Variants in CALCR observed in about 807,000 individuals in gnomAD.
CALCR encodes calcitonin receptor.
CALCR carries 47 observed loss-of-function variants against 59.5 expected under a neutral mutation model. The ratio of observed to expected loss-of-function variants is 0.79; its 90% CI spans 0.63 to 1.01. CALCR has a LOEUF of 1.01. Among genes scored for constraint, CALCR ranks in the 50% least tolerant of loss-of-function variants. The pLI is 0.00. For missense variants in CALCR, 566 were observed against 597.1 expected (o/e 0.95, Z 0.54); for synonymous variants, 213 against 211.3 (o/e 1.01, Z -0.07).
At chr7:93,519,575 T>C (rs1801716532) in intron 2 of CALCR, among the ~76,000 whole-genome samples, 1 of 152,130 alleles carries the variant, frequency 6.6e-6, no homozygotes, top group Non-Finnish European at 1.5e-5. Context: ...ATTTTCATTA[T>C]CTATATTATT....
intron 13 of CALCR, 100 bp from the exon 14 acceptor site, chr7:93,426,689 G>C: frequency 1.5e-6 from 1 of 655,498 alleles, no homozygotes; most frequent in East Asian, 2.7e-5. Flanking sequence ...TTTAAAGAAA[G>C]TTAAATTGTA....
intron 9 of CALCR, among the ~76,000 whole-genome samples, chr7:93,442,456 C>A (rs1347708919): frequency 6.6e-6 from 1 of 152,130 alleles, no homozygotes; most frequent in Non-Finnish European, 1.5e-5. Context: ...GGCATAACAC[C>A]AGCCCCTTTC....
Position 93,426,441 on chromosome 7 carries a change from A to ATGGCAGATGTAAATTGGGATGTCGCCAG in CALCR, c.1339_1340insCTGGCGACATCCCAATTTACATCTGCCA (p.Leu447ProfsTer13). The ATGGCAGATGTAAATTGGGATGTCGCCAG allele has an allele frequency of 6.2e-7, 1 of 1,613,378 alleles. No homozygotes were observed. On this transcript the variant is annotated frameshift_variant, in exon 14 of 14. Transcript: ENST00000426151. LOFTEE classifies it high-confidence loss of function. Reference sequence around the variant, plus strand: ...TTGGTTGTTGGCTGGTTCATTCCTCAGCTCCTGATGGCAGATGTAAATTGG... The same window carrying ATGGCAGATGTAAATTGGGATGTCGCCAG: ...TTGGTTGTTGGCTGGTTCATTCCTCATGGCAGATGTAAATTGGGATGTCGCCAGGCTCCTGATGGCAGATGTAAATTGG...
chr7:93,460,562 A>ATAT (rs1305307735), intron 8 of CALCR, among the ~76,000 whole-genome samples: 2 of 85,818 alleles, frequency 2.3e-5, no homozygotes, highest in African/African-American at 1.8e-4. Context: ...TCTAAAAAAA[A>ATAT]AAAAAAAAAA....
intron 2 of CALCR, among the ~76,000 whole-genome samples, chr7:93,540,180 A>G (rs571408965): frequency 1.3e-5 from 2 of 152,344 alleles, no homozygotes; most frequent in African/African-American, 2.4e-5. Context: ...CTTGAAAAGC[A>G]GGTAATTCAA....
At chr7:93,510,698 T>C (rs1393721693) in intron 2 of CALCR, among the ~76,000 whole-genome samples, 1 of 151,970 alleles carries the variant, frequency 6.6e-6, no homozygotes, top group South Asian at 2.1e-4. Context: ...AGAGACACTG[T>C]CTCTACAAAA....
chr7:93,563,825 T>C (rs1789799759), intron 2 of CALCR, among the ~76,000 whole-genome samples: 1 of 152,204 alleles, frequency 6.6e-6, no homozygotes, highest in Admixed American at 6.5e-5. Flanking sequence ...CATTTCCGAA[T>C]CCATCATATT....
chr7:93,571,563 A>G (rs1014007018), intron 2 of CALCR, among the ~76,000 whole-genome samples: 1 of 152,096 alleles, frequency 6.6e-6, no homozygotes, highest in Non-Finnish European at 1.5e-5. Flanking sequence ...TCAGAAGTCA[A>G]ACTCAAGCAG....
In CALCR at chr7:93,459,939, G is replaced by C. The variant is rs2115800522; in HGVS notation, c.648+882C>G. ...ATTGTGCATGTGGGCATGAGTTTCA[G>C]AGATGTATGTCCTGTTGCCCTAACT... On this transcript the variant is annotated intron_variant, in intron 8 of 13. Transcript: ENST00000426151. Among the ~76,000 whole-genome samples, 4 of 152,284 alleles carry C rather than the reference G, an allele frequency of 2.6e-5. 1 individual carries two copies. Among genetic ancestry groups the C allele is most frequent in the African/African-American group, 9.6e-5 (4 of 41,570 alleles).
intron 2 of CALCR, among the ~76,000 whole-genome samples, chr7:93,509,887 C>T (rs758015782): frequency 9.2e-5 from 14 of 152,198 alleles, no homozygotes; most frequent in Non-Finnish European, 1.6e-4. Context: ...AGGATTAATA[C>T]ATAAAATACC....
chr7:93,542,194 C>T (rs1376756869), intron 2 of CALCR, among the ~76,000 whole-genome samples: 1 of 152,138 alleles, frequency 6.6e-6, no homozygotes, highest in African/African-American at 2.4e-5. Flanking sequence ...ACACAGTGTA[C>T]TTACACAAAC....
chr7:93,489,931 C>A (rs1801036740), intron 2 of CALCR, among the ~76,000 whole-genome samples: 1 of 151,918 alleles, frequency 6.6e-6, no homozygotes, highest in South Asian at 2.1e-4. Flanking sequence ...CATCCTGATA[C>A]CAAATCCGGG....
chr7:93,549,498 T>C (rs942248621), intron 2 of CALCR, among the ~76,000 whole-genome samples: 1 of 152,152 alleles, frequency 6.6e-6, no homozygotes, highest in African/African-American at 2.4e-5. Context: ...TGCTGTTAAA[T>C]AACATAAAGA....
chr7:93,530,835 C>G (rs147174756), intron 2 of CALCR, among the ~76,000 whole-genome samples: 10 of 152,128 alleles, frequency 6.6e-5, no homozygotes, highest in African/African-American at 1.7e-4. Context: ...GATGGAGGGT[C>G]CTTTAAGCTA....
At chr7:93,544,173 C>A (rs1430428931) in intron 2 of CALCR, among the ~76,000 whole-genome samples, 1 of 151,262 alleles carries the variant, frequency 6.6e-6, no homozygotes, top group Non-Finnish European at 1.5e-5. Flanking sequence ...TGATAAGAAA[C>A]TAAAAAAAAT....
rs1181766502 is a variant in CALCR at position 93,436,416 on chromosome 7, GT to G, written c.931-247del. 9.9e-5 allele frequency among the ~76,000 whole-genome samples: 15 copies of G among 152,122 alleles called. 1 individual carries two copies. Among genetic ancestry groups the G allele is most frequent in the African/African-American group, 3.6e-4 (15 of 41,418 alleles). On this transcript the variant is annotated intron_variant, in intron 11 of 13. Transcript: ENST00000426151. ...TGCTCATCACCCTTGCCAACACTTG[GT>G]ATGAACACTCTTTTTAATATGAGCC...
At position 93,486,960 on chromosome 7, in the gene CALCR, G is replaced by A. The variant is rs972789445; in HGVS notation, c.22C>T (p.Arg8Trp). 7 of 1,599,768 alleles carry A rather than the reference G, an allele frequency of 4.4e-6. 1 individual carries two copies. In the African/African-American group the frequency reaches 6.7e-5, roughly 15 times the overall value. The change falls in exon 3 of 14, where the codon CGG becomes TGG. Residue 8 changes from arginine to tryptophan, a missense_variant. Arg to Trp is a moderately radical substitution (Grantham distance 101). Coordinates refer to ENST00000426151, the MANE Select transcript of CALCR (RefSeq NM_001742.4). ...AGAAGAAGAAACAGTGCCAAGCACC[G>A]GCTTGTAAATGTGAACCTCATTTTT... MRFTFTSRCLALFLLLNH... is the reference protein window; with the variant it reads MRFTFTSWCLALFLLLNH...
At chr7:93,461,012 A>T (rs1800325150) in intron 7 of CALCR, 65 bp from the exon 8 acceptor site, 1 of 1,325,470 alleles carries the variant, frequency 7.5e-7, no homozygotes, top group South Asian at 1.5e-5. Flanking sequence ...GGAAAAAAAC[A>T]TTTTGGTAAT....
At chr7:93,487,910 C>G (rs546617738) in intron 2 of CALCR, among the ~76,000 whole-genome samples, 18 of 151,498 alleles carry the variant, frequency 1.2e-4, no homozygotes, top group Admixed American at 5.3e-4. Flanking sequence ...ACAGAGAACA[C>G]CACTAAGATA....
Sources: gnomAD v4.1 joint callset for allele counts (sites outside exome capture counted in the v4.1 genomes callset) on GRCh38, gnomAD v4.1.1 for gene constraint, MANE v1.5 for transcripts, NCBI Gene and HGNC (gene_info 2026-07-23, HGNC 2026-07-21) for gene names.